LDLRAD4: variants seen among roughly 807,000 people sequenced by gnomAD.
The protein encoded by LDLRAD4 is low density lipoprotein receptor class A domain containing 4.
A neutral mutation model predicts 17.0 loss-of-function variants in LDLRAD4; 5 were observed. The ratio of observed to expected loss-of-function variants is 0.29; its 90% CI spans 0.15 to 0.62. The LOEUF is 0.62. Ranked by LOEUF, LDLRAD4 falls within the 20% of genes least tolerant of loss-of-function variation. The pLI, the probability that LDLRAD4 is intolerant of heterozygous loss-of-function variation, is 0.84. For synonymous variants in LDLRAD4, 168 were observed against 171.8 expected, an observed-to-expected ratio of 0.98 and a Z score of 0.17; for missense variants, 340 against 424.7, an observed-to-expected ratio of 0.80 and a Z score of 1.75.
chr18:13,594,665 CAAAAAAAA>C (rs56035558), intron 3 of LDLRAD4, among the ~76,000 whole-genome samples: 1 of 29,596 alleles, frequency 3.4e-5, no homozygotes, highest in Non-Finnish European at 7.9e-5. Context: ...GATTCCATCT[CAAAAAAAA>C]AAAAAAAAAA....
At chr18:13,626,654 G>A (rs2041195422) in intron 4 of LDLRAD4, among the ~76,000 whole-genome samples, 1 of 152,226 alleles carries the variant, frequency 6.6e-6, no homozygotes, top group African/African-American at 2.4e-5. Flanking sequence ...AACTCCTACA[G>A]GGATTAAATC....
At chr18:13,506,633 A>AAC (rs1231832626) in intron 3 of LDLRAD4, among the ~76,000 whole-genome samples, 1 of 152,150 alleles carries the variant, frequency 6.6e-6, no homozygotes. Context: ...GGCTGCACTA[A>AAC]ACAACAGATT....
chr18:13,465,195 C>T (rs2092573076), intron 3 of LDLRAD4: 2 of 152,176 alleles, frequency 1.3e-5, no homozygotes, highest in South Asian at 4.1e-4. Flanking sequence ...ACTTTATTTT[C>T]CTTTTATTTC....
chr18:13,353,324 A>G (rs1160238602), intron 1 of LDLRAD4, among the ~76,000 whole-genome samples: 1 of 152,186 alleles, frequency 6.6e-6, no homozygotes, highest in Non-Finnish European at 1.5e-5. Flanking sequence ...GGGATAGCTC[A>G]CTGTGAAGGC....
chr18:13,345,453 A>G (rs62096868), intron 1 of LDLRAD4, among the ~76,000 whole-genome samples: 1 of 151,976 alleles, frequency 6.6e-6, no homozygotes, highest in African/African-American at 2.4e-5. Context: ...TGGTGGATAA[A>G]CTTTTTGATG....
intron 3 of LDLRAD4, chr18:13,614,793 C>T (rs1336296994): frequency 6.6e-6 from 1 of 152,174 alleles, no homozygotes; most frequent in South Asian, 2.1e-4. Flanking sequence ...ATTTACCAGC[C>T]TTTAGGAACA....
At chr18:13,585,307 T>C (rs775088604) in intron 3 of LDLRAD4, 8 of 152,222 alleles carry the variant, frequency 5.3e-5, no homozygotes, top group Non-Finnish European at 7.3e-5. Context: ...TACTGTAAGC[T>C]GCATGAATTT....
At chr18:13,403,007 A>G (rs1387396258) in intron 2 of LDLRAD4, among the ~76,000 whole-genome samples, 4 of 152,248 alleles carry the variant, frequency 2.6e-5, no homozygotes, top group Non-Finnish European at 2.9e-5. Context: ...TTATGCTGAA[A>G]TAGTATGTAG....
intron 1 of LDLRAD4, among the ~76,000 whole-genome samples, chr18:13,334,874 G>A (rs1460833587): frequency 2.0e-5 from 3 of 152,092 alleles, no homozygotes; most frequent in East Asian, 1.9e-4. Flanking sequence ...TCCCCTCAAC[G>A]ATTTCTTTTC....
intron 3 of LDLRAD4, among the ~76,000 whole-genome samples, chr18:13,545,543 C>T (rs58660230): frequency 0.016 from 2,367 of 152,214 alleles, 68 homozygotes; most frequent in African/African-American, 0.054. Flanking sequence ...CCACTAATGG[C>T]TTTCTCCTTT....
At chr18:13,285,169 GTGTT>G (rs2045549426) in intron 1 of LDLRAD4, among the ~76,000 whole-genome samples, 1 of 152,216 alleles carries the variant, frequency 6.6e-6, no homozygotes, top group Admixed American at 6.5e-5. Context: ...CACTGGGACA[GTGTT>G]TGTAAGCCCC....
chr18:13,636,188 A>G (rs1036265559), intron 4 of LDLRAD4, among the ~76,000 whole-genome samples: 7 of 152,132 alleles, frequency 4.6e-5, no homozygotes, highest in Non-Finnish European at 1.0e-4. Context: ...TGGTACCCTC[A>G]GGGGATTGGT....
chr18:13,372,494 GA>G (rs1398137816), intron 1 of LDLRAD4, among the ~76,000 whole-genome samples: 39 of 152,184 alleles, frequency 2.6e-4, no homozygotes, highest in African/African-American at 8.9e-4. Flanking sequence ...GAAAAATACA[GA>G]GAACAAAACA....
At chr18:13,310,705 A>G (rs2047187679) in intron 1 of LDLRAD4, among the ~76,000 whole-genome samples, 1 of 152,162 alleles carries the variant, frequency 6.6e-6, no homozygotes, top group African/African-American at 2.4e-5. Flanking sequence ...CATCTGGAAT[A>G]ACAGCTTCCA....
At chr18:13,576,503 A>T (rs2094775804) in intron 3 of LDLRAD4, among the ~76,000 whole-genome samples, 1 of 152,058 alleles carries the variant, frequency 6.6e-6, no homozygotes, top group African/African-American at 2.4e-5. Context: ...GCTTAAAGCC[A>T]TGTAATTCTT....
chr18:13,546,257 G>A (rs2094360947), intron 3 of LDLRAD4, among the ~76,000 whole-genome samples: 1 of 152,128 alleles, frequency 6.6e-6, no homozygotes, highest in Admixed American at 6.5e-5. Context: ...GTTCAGTGAA[G>A]CAGCTCTGCC....
chr18:13,617,821 G>T (rs2040224452), intron 3 of LDLRAD4, among the ~76,000 whole-genome samples: 1 of 152,080 alleles, frequency 6.6e-6, no homozygotes, highest in African/African-American at 2.4e-5. Flanking sequence ...ATTGTCACCA[G>T]TTAAAAGGGC....
chr18:13,275,186 G>A (rs575167988), upstream of LDLRAD4, among the ~76,000 whole-genome samples: 18 of 152,172 alleles, frequency 1.2e-4, no homozygotes, highest in South Asian at 2.1e-4. Context: ...GATACTAATG[G>A]AAAATTAAAA....
At chr18:13,620,809 G>A (rs1356056299) in intron 3 of LDLRAD4, 4 of 395,348 alleles carry the variant, frequency 1.0e-5, no homozygotes, top group South Asian at 4.0e-5. Flanking sequence ...CCATAAAGAC[G>A]GGTTTAACTT....
Sources: gnomAD v4.1 joint callset for allele counts (sites outside exome capture counted in the v4.1 genomes callset) on GRCh38, gnomAD v4.1.1 for gene constraint, MANE v1.5 for transcripts, NCBI Gene and HGNC (gene_info 2026-07-23, HGNC 2026-07-21) for gene names.